Variants in IL1RAPL1 observed in about 807,000 individuals in gnomAD.
IL1RAPL1 encodes the protein interleukin-1 receptor accessory protein-like 1.
In IL1RAPL1, 3 loss-of-function variants were observed where a neutral mutation model predicts 48.4. That is an observed-to-expected ratio of 0.06 (90% CI 0.03 to 0.16). The LOEUF (loss-of-function observed/expected upper bound fraction) is 0.16. IL1RAPL1 is among the 10% of genes least tolerant of loss of function. IL1RAPL1 has a pLI of 1.00. For missense variants in IL1RAPL1, 349 were observed against 530.6 expected (o/e 0.66, Z 3.36); for synonymous variants, 185 against 187.7 (o/e 0.99, Z 0.12).
At chrX:29,460,796 A>G (rs945406234) in intron 5 of IL1RAPL1, among the ~76,000 whole-genome samples, 2 of 112,101 alleles carry the variant, frequency 1.8e-5, no homozygotes, top group Non-Finnish European at 3.8e-5. Context: ...AACCTTCACA[A>G]AAACACTAAA....
At chrX:29,882,003 C>T (rs1297015032) in intron 6 of IL1RAPL1, among the ~76,000 whole-genome samples, 1 of 111,170 alleles carries the variant, frequency 9.0e-6, no homozygotes. Context: ...TACATGTGCT[C>T]TACTGATATA....
At chrX:29,322,506 C>G (rs1175768947) in intron 3 of IL1RAPL1, among the ~76,000 whole-genome samples, 1 of 111,969 alleles carries the variant, frequency 8.9e-6, no homozygotes, top group Non-Finnish European at 1.9e-5. Context: ...CTCAGGTGTT[C>G]TGTCTGCCTC....
Position 29,143,067 on chromosome X carries a change from A to G in IL1RAPL1, c.83-139871A>G, listed in dbSNP as rs191015769. ...TCTCTGGAATCAGAAAAAATAAAAT[A>G]TTATTTTTATTTGAGGTTATTTAAA... On this transcript the variant is annotated intron_variant, in intron 2 of 10. Coordinates refer to ENST00000378993, the MANE Select transcript of IL1RAPL1 (RefSeq NM_014271.4). Among the ~76,000 whole-genome samples the G allele has an allele frequency of 6.9e-4, 77 of 111,328 alleles. No individual in the cohort carries two copies. In the Middle Eastern group the frequency reaches 0.014, roughly 20 times the overall value.
chrX:29,444,839 T>C (rs921901727), intron 5 of IL1RAPL1, among the ~76,000 whole-genome samples: 6 of 112,162 alleles, frequency 5.3e-5, no homozygotes, highest in African/African-American at 1.6e-4. Context: ...GACTAGATAA[T>C]GATTGAATAT....
chrX:29,327,973 GTTTGTTGAACCCTGCT>G (rs1268271911), intron 3 of IL1RAPL1, among the ~76,000 whole-genome samples: 2 of 111,852 alleles, frequency 1.8e-5, no homozygotes, highest in African/African-American at 6.5e-5. Flanking sequence ...GCAGTCTGTC[GTTTGTTGAACCCTGCT>G]TTTTATGATG....
intron 5 of IL1RAPL1, among the ~76,000 whole-genome samples, chrX:29,554,702 A>G (rs747470571): frequency 1.8e-5 from 2 of 111,549 alleles, no homozygotes; most frequent in South Asian, 7.6e-4. Context: ...TTTTAGCCCT[A>G]AAGAGCATTA....
At chrX:28,802,547 G>T (rs756426572) in intron 2 of IL1RAPL1, among the ~76,000 whole-genome samples, 2 of 111,928 alleles carry the variant, frequency 1.8e-5, no homozygotes, top group East Asian at 2.8e-4. Flanking sequence ...AATTAGTTTT[G>T]CTACCTTGAG....
At chrX:28,728,883 G>A (rs992282645) in intron 1 of IL1RAPL1, among the ~76,000 whole-genome samples, 1 of 111,287 alleles carries the variant, frequency 9.0e-6, no homozygotes, top group Non-Finnish European at 1.9e-5. Context: ...CTTTCTTGTA[G>A]ATATTATGGC....
intron 1 of IL1RAPL1, among the ~76,000 whole-genome samples, chrX:28,609,664 A>C (rs868025846): frequency 2.8e-5 from 2 of 70,693 alleles, no homozygotes; most frequent in Non-Finnish European, 5.7e-5. Flanking sequence ...CACACACACA[A>C]CATACCTACC....
chrX:28,904,925 TAG>T (rs1414404171), intron 2 of IL1RAPL1, among the ~76,000 whole-genome samples: 3 of 112,094 alleles, frequency 2.7e-5, no homozygotes, highest in African/African-American at 9.7e-5. Flanking sequence ...TATCGTAACT[TAG>T]AGAATAAAAG....
At chrX:29,931,010 G>C (rs1333785697) in intron 8 of IL1RAPL1, among the ~76,000 whole-genome samples, 2 of 111,467 alleles carry the variant, frequency 1.8e-5, no homozygotes, top group African/African-American at 6.5e-5. Flanking sequence ...TACCAGTACA[G>C]AGGCCACTAA....
chrX:28,612,430 T>C (rs984059674), intron 1 of IL1RAPL1, among the ~76,000 whole-genome samples: 2 of 111,624 alleles, frequency 1.8e-5, no homozygotes, highest in Non-Finnish European at 1.9e-5. Flanking sequence ...TGGCAGATAG[T>C]GTTCTGAAAG....
At chrX:29,552,220 G>A (rs769188578) in intron 5 of IL1RAPL1, among the ~76,000 whole-genome samples, 2 of 111,321 alleles carry the variant, frequency 1.8e-5, no homozygotes, top group South Asian at 3.8e-4. Flanking sequence ...GTGTTGTTGG[G>A]TCATTCTCCT....
intron 6 of IL1RAPL1, among the ~76,000 whole-genome samples, chrX:29,797,436 G>A (rs1929769429): frequency 8.9e-6 from 1 of 112,108 alleles, no homozygotes; most frequent in South Asian, 3.7e-4. Context: ...GAGTCACCAA[G>A]GGGCCACTAG....
Position 29,916,512 on chromosome X carries a change from C to A in IL1RAPL1, c.779-952C>A, listed in dbSNP as rs776095905. 2.7e-5 allele frequency among the ~76,000 whole-genome samples: 3 copies of A among 111,704 alleles called. No individual in the cohort carries two copies. In the South Asian group the frequency reaches 1.1e-3, roughly 42 times the overall value. ...TTCAGCCCCTCACGTGGTGCCCATC[C>A]CTGAGAGTTCCTTTGCCCCAATCCA... On this transcript the variant is annotated intron_variant, in intron 6 of 10. Transcript: ENST00000378993.
chrX:29,312,856 G>A (rs963422779), intron 3 of IL1RAPL1, among the ~76,000 whole-genome samples: 2 of 110,780 alleles, frequency 1.8e-5, no homozygotes, highest in Admixed American at 1.9e-4. Context: ...TAAGTCTCAC[G>A]AGATCTCATG....
At chrX:29,067,913 A>G (rs747127695) in intron 2 of IL1RAPL1, among the ~76,000 whole-genome samples, 1 of 112,129 alleles carries the variant, frequency 8.9e-6, no homozygotes, top group Non-Finnish European at 1.9e-5. Context: ...TGGCATAATC[A>G]GTAGAAATTT....
chrX:28,597,865 A>G (rs1386608582), intron 1 of IL1RAPL1, among the ~76,000 whole-genome samples: 1 of 109,937 alleles, frequency 9.1e-6, no homozygotes, highest in Admixed American at 9.8e-5. Context: ...CATTCAAACT[A>G]TCCTTGCTTG....
At chrX:29,541,584 G>A (rs1191963983) in intron 5 of IL1RAPL1, among the ~76,000 whole-genome samples, 1 of 111,582 alleles carries the variant, frequency 9.0e-6, no homozygotes, top group African/African-American at 3.3e-5. Flanking sequence ...TATTATCTAC[G>A]CTATGGAATA....
Sources: allele counts gnomAD v4.1 joint callset (sites outside exome capture counted in the v4.1 genomes callset), GRCh38; gene constraint gnomAD v4.1.1; transcripts MANE v1.5; gene names NCBI Gene and HGNC (gene_info 2026-07-23, HGNC 2026-07-21).